TENM4: variants seen among roughly 807,000 people sequenced by gnomAD.
TENM4 encodes teneurin transmembrane protein 4, also known as teneurin-4.
A neutral mutation model predicts 243.3 loss-of-function variants in TENM4; 82 were observed. The observed-to-expected ratio is 0.34, with a 90% CI of 0.28 to 0.40. The LOEUF (loss-of-function observed/expected upper bound fraction) is 0.40. TENM4 is among the 10% of genes least tolerant of loss of function. The pLI is 1.00. For missense variants in TENM4, 3,138 were observed against 3,673.3 expected (o/e 0.85, Z 3.77); for synonymous variants, 1,412 against 1,456.3 (o/e 0.97, Z 0.69).
At chr11:79,153,691 G>A (rs887332672) in intron 3 of TENM4, among the ~76,000 whole-genome samples, 7 of 152,210 alleles carry the variant, frequency 4.6e-5, no homozygotes, top group African/African-American at 1.4e-4. Flanking sequence ...TGCCATGTAC[G>A]AGGCACAGTG....
intron 1 of TENM4, among the ~76,000 whole-genome samples, chr11:79,417,633 C>A (rs890198288): frequency 6.6e-6 from 1 of 152,202 alleles, no homozygotes; most frequent in African/African-American, 2.4e-5. Context: ...ATGTATGTCT[C>A]CTATAGTCCT....
At chr11:79,064,608 A>T in intron 6 of TENM4, 130 bp downstream of exon 6, 1 of 1,215,680 alleles carries the variant, frequency 8.2e-7, no homozygotes, top group Non-Finnish European at 1.1e-6. Context: ...CTGACATTTG[A>T]CCCCTGAGAG....
At chr11:79,099,749 T>G (rs1270816725) in intron 4 of TENM4, among the ~76,000 whole-genome samples, 1 of 152,224 alleles carries the variant, frequency 6.6e-6, no homozygotes, top group African/African-American at 2.4e-5. Flanking sequence ...ACATAAAAGT[T>G]GGCCATAGCC....
At chr11:78,862,451 T>C (rs960459456) in intron 10 of TENM4, among the ~76,000 whole-genome samples, 3 of 152,208 alleles carry the variant, frequency 2.0e-5, no homozygotes, top group Non-Finnish European at 4.4e-5. Context: ...TTATTGCGGA[T>C]GCGGAAACTG....
At chr11:78,814,443 A>G in intron 12 of TENM4, 48 bp from the exon 13 acceptor site, 1 of 1,493,930 alleles carries the variant, frequency 6.7e-7, no homozygotes. Context: ...TTCCTTACCC[A>G]AACAGAGAGC....
chr11:78,756,597 C>T (rs970840882), intron 19 of TENM4: 9 of 561,366 alleles, frequency 1.6e-5, no homozygotes, highest in Non-Finnish European at 2.5e-5. Context: ...CAAAACTTTG[C>T]TCATAAAAAT....
At chr11:79,029,283 G>A (rs1434537335) in intron 6 of TENM4, among the ~76,000 whole-genome samples, 1 of 152,134 alleles carries the variant, frequency 6.6e-6, no homozygotes, top group African/African-American at 2.4e-5. Flanking sequence ...AATACACAAG[G>A]CATCTTCCAG....
chr11:78,876,077 G>A (rs1054209605), intron 9 of TENM4, among the ~76,000 whole-genome samples: 27 of 152,166 alleles, frequency 1.8e-4, no homozygotes, highest in African/African-American at 6.0e-4. Flanking sequence ...TAGGTCCAGC[G>A]CTACTACTTA....
chr11:78,712,755 C>T (rs755479530), intron 25 of TENM4, 41 bp from the exon 26 acceptor site: 2 of 1,578,780 alleles, frequency 1.3e-6, no homozygotes, highest in Non-Finnish European at 1.7e-6. Context: ...GCATTTTCTT[C>T]TTCCTATGAG....
intron 6 of TENM4, among the ~76,000 whole-genome samples, chr11:78,914,102 G>A (rs531804): frequency 0.92 from 140,078 of 152,262 alleles, 65,143 homozygotes; most frequent in Non-Finnish European, 0.99. Flanking sequence ...TGTATTCAAC[G>A]GTCCTAGATG....
At chr11:79,319,451 GT>G (rs1856852661) in intron 1 of TENM4, among the ~76,000 whole-genome samples, 1 of 151,756 alleles carries the variant, frequency 6.6e-6, no homozygotes, top group African/African-American at 2.4e-5. Context: ...TCCTTTTTTT[GT>G]TTAATAATAA....
chr11:78,870,819 AC>A (rs1162721130), intron 9 of TENM4, among the ~76,000 whole-genome samples: 1 of 152,170 alleles, frequency 6.6e-6, no homozygotes, highest in Non-Finnish European at 1.5e-5. Flanking sequence ...GAGGAATGTC[AC>A]CTTAACTGGA....
chr11:79,125,092 C>A (rs1047940068), intron 4 of TENM4, among the ~76,000 whole-genome samples: 3 of 151,828 alleles, frequency 2.0e-5, no homozygotes, highest in Non-Finnish European at 2.9e-5. Flanking sequence ...ATGCTAAGGA[C>A]TCTACTTCTA....
chr11:79,307,394 A>G (rs1357733830), intron 1 of TENM4, among the ~76,000 whole-genome samples: 3 of 151,832 alleles, frequency 2.0e-5, no homozygotes, highest in East Asian at 1.9e-4. Context: ...AACCTAGGTC[A>G]CTCCTGACAC....
intron 12 of TENM4, among the ~76,000 whole-genome samples, chr11:78,827,238 A>G (rs1477998558): frequency 1.3e-5 from 2 of 152,204 alleles, no homozygotes; most frequent in Non-Finnish European, 2.9e-5. Context: ...TATACTTTAG[A>G]AAACACTGGA....
chr11:79,091,723 A>G (rs569929433), intron 4 of TENM4, among the ~76,000 whole-genome samples: 2 of 152,304 alleles, frequency 1.3e-5, no homozygotes, highest in East Asian at 3.9e-4. Context: ...ATGGGACTGC[A>G]GGATGCCAAC....
At chr11:78,829,624 G>A (rs1857932035) in intron 12 of TENM4, among the ~76,000 whole-genome samples, 1 of 152,150 alleles carries the variant, frequency 6.6e-6, no homozygotes, top group Non-Finnish European at 1.5e-5. Flanking sequence ...GACTCTGGGG[G>A]TTCTAATTCT....
intron 6 of TENM4, among the ~76,000 whole-genome samples, chr11:78,932,818 C>T (rs183972907): frequency 1.1e-4 from 17 of 152,256 alleles, no homozygotes; most frequent in East Asian, 1.9e-4. Context: ...AAATAGGGTT[C>T]GAGTTCCTAT....
At chr11:78,979,205 G>T (rs1857735057) in intron 6 of TENM4, among the ~76,000 whole-genome samples, 1 of 152,160 alleles carries the variant, frequency 6.6e-6, no homozygotes, top group Non-Finnish European at 1.5e-5. Context: ...TCCCTCTGGG[G>T]TGTCCTGCCA....
Sources: gnomAD v4.1 joint callset for allele counts (sites outside exome capture counted in the v4.1 genomes callset) on GRCh38, gnomAD v4.1.1 for gene constraint, MANE v1.5 for transcripts, NCBI Gene and HGNC (gene_info 2026-07-23, HGNC 2026-07-21) for gene names.